FYTTD1: variants seen among roughly 807,000 people sequenced by gnomAD.
FYTTD1 encodes the protein UAP56-interacting factor.
A neutral mutation model predicts 40.9 loss-of-function variants in FYTTD1; 22 were observed. The ratio of observed to expected loss-of-function variants is 0.54; its 90% confidence interval spans 0.38 to 0.77. The LOEUF is 0.77. FYTTD1 is among the 30% of genes least tolerant of loss of function. The pLI is 0.00. For synonymous variants in FYTTD1, 140 were observed against 137.9 expected, an observed-to-expected ratio of 1.01 and a Z score of -0.10; for missense variants, 351 against 392.2, an observed-to-expected ratio of 0.90 and a Z score of 0.89.
rs935233702 is a variant in FYTTD1, at chr3:197,785,855, G to T, written c.*3946G>T. 6.6e-6 allele frequency: 1 copy of T among 151,032 alleles called. No individual in the cohort carries two copies. Among genetic ancestry groups the T allele is most frequent in the Non-Finnish European group, 1.5e-5 (1 of 67,830 alleles). The allele number at this position is 151,032 out of a possible 1,614,324, so 9.4% of individuals were successfully genotyped here. On this transcript the variant is annotated 3_prime_UTR_variant, in exon 9 of 9. Transcript: ENST00000241502. ...GAATTATTATTATTATTATTATTTTGCCACTGTGAAAAAGCAGTTAAGCAT... is the reference window on the plus strand; with the variant it reads ...GAATTATTATTATTATTATTATTTTTCCACTGTGAAAAAGCAGTTAAGCAT...
chr3:197,758,356 G>A (rs1202898921), intron 2 of FYTTD1, among the ~76,000 whole-genome samples: 4 of 152,126 alleles, frequency 2.6e-5, no homozygotes, highest in Non-Finnish European at 5.9e-5. Context: ...ATATATTTCA[G>A]TGTTAAATAC....
intron 1 of FYTTD1, among the ~76,000 whole-genome samples, chr3:197,752,946 G>A (rs950406918): frequency 1.4e-4 from 22 of 152,052 alleles, no homozygotes; most frequent in African/African-American, 5.3e-4. Flanking sequence ...TAGGTTTTCT[G>A]TTTTCTTTTT....
At chr3:197,754,106 C>T (rs1729146036) in intron 1 of FYTTD1, among the ~76,000 whole-genome samples, 1 of 151,988 alleles carries the variant, frequency 6.6e-6, no homozygotes, top group Non-Finnish European at 1.5e-5. Context: ...TTTTAATGCT[C>T]CCCAGACAAA....
intron 2 of FYTTD1, chr3:197,763,458 A>G (rs1262866826): frequency 4.9e-6 from 2 of 409,268 alleles, no homozygotes; most frequent in Non-Finnish European, 9.4e-6. Context: ...AGTAAATATA[A>G]CCCACAGACA....
At chr3:197,762,894 C>G (rs1450485477) in intron 2 of FYTTD1, among the ~76,000 whole-genome samples, 1 of 150,296 alleles carries the variant, frequency 6.7e-6, no homozygotes, top group South Asian at 2.1e-4. Flanking sequence ...AAAAAAAAAA[C>G]TAGTGGATAC....
At chr3:197,763,075 T>G (rs1238476054) in intron 2 of FYTTD1, among the ~76,000 whole-genome samples, 1 of 152,208 alleles carries the variant, frequency 6.6e-6, no homozygotes, top group Non-Finnish European at 1.5e-5. Context: ...GTAATGAGTT[T>G]ATTATTATTT....
In FYTTD1 at chr3:197,754,667, C is replaced by CTT. The variant is rs545875999; in HGVS notation, c.104-1745_104-1744dup. Among the ~76,000 whole-genome samples, 13 of 124,346 alleles carry CTT rather than the reference C, an allele frequency of 1.0e-4. 1 individual carries two copies. Among genetic ancestry groups the CTT allele is most frequent in the Middle Eastern group, 4.3e-3 (1 of 234 alleles). 81.6% of individuals were successfully genotyped at this position (124,346 alleles called of 152,430 possible). A position where few individuals can be genotyped will look rare whatever the true frequency, so the allele number is the denominator to read the frequency against. ...TGTTTGTGGGTTTTTTTTTTTCTTT[C>CTT]TTTTTTTTTTTTTTTGAAAGACAGT... On this transcript the variant is annotated intron_variant, in intron 1 of 8. Transcript: ENST00000241502.
Position 197,782,549 on chromosome 3 carries a change from G to A in FYTTD1, c.*640G>A, listed in dbSNP as rs1730055663. ...GTATTAGTCTTAGTTTAAAATGTTG[G>A]TGTTTAGAGACTGTAAATGCATATT... On this transcript the variant is annotated 3_prime_UTR_variant, in exon 9 of 9. Coordinates refer to ENST00000241502, the MANE Select transcript of FYTTD1 (RefSeq NM_032288.7). 6.6e-6 allele frequency: 1 copy of A among 152,174 alleles called. No homozygotes were observed. The highest frequency in any genetic ancestry group is 1.5e-5 in the Non-Finnish European group (1 of 68,040). 9.4% of individuals were successfully genotyped at this position (152,174 alleles called of 1,614,324 possible). A position where few individuals can be genotyped will look rare whatever the true frequency, so the allele number is the denominator to read the frequency against.
Position 197,785,478 on chromosome 3 carries a change from T to C in FYTTD1, c.*3569T>C, listed in dbSNP as rs1432890819. The C allele has an allele frequency of 6.6e-6, 1 of 152,236 alleles. No individual in the cohort carries two copies. Among genetic ancestry groups the C allele is most frequent in the Non-Finnish European group, 1.5e-5 (1 of 68,046 alleles). The allele number at this position is 152,236 out of a possible 1,614,324, so 9.4% of individuals were successfully genotyped here. A position where few individuals can be genotyped will look rare whatever the true frequency, so the allele number is the denominator to read the frequency against. On this transcript the variant is annotated 3_prime_UTR_variant, in exon 9 of 9. Coordinates refer to ENST00000241502, the MANE Select transcript of FYTTD1 (RefSeq NM_032288.7). ...AATACTGTGTCTGAGGAAACAGGCC[T>C]CATTGCTCAGCAGTGAGTTTTTATT...
intron 1 of FYTTD1, among the ~76,000 whole-genome samples, 184 bp from the exon 2 acceptor site, chr3:197,756,241 CT>C (rs1348859963): frequency 6.6e-6 from 1 of 152,108 alleles, no homozygotes; most frequent in Admixed American, 6.6e-5. Context: ...CAATAGCACT[CT>C]TCATTAATTG....
Position 197,774,042 on chromosome 3 carries a change from C to T in FYTTD1, c.595-107C>T, listed in dbSNP as rs1490007471. 33 of 886,356 alleles carry T rather than the reference C, an allele frequency of 3.7e-5. No individual in the cohort carries two copies. In the Admixed American group the frequency reaches 6.2e-4, roughly 17 times the overall value. 54.9% of individuals were successfully genotyped at this position (886,356 alleles called of 1,614,324 possible). On this transcript the variant is annotated intron_variant, in intron 5 of 8. Coordinates refer to ENST00000241502, the MANE Select transcript of FYTTD1 (RefSeq NM_032288.7). ...TAGAATAGCGCAGGCACCTCCGCTG[C>T]ACTCATGTACACGCACCACTGGGTT...
At chr3:197,765,774 A>T (rs1163532000) in intron 2 of FYTTD1, among the ~76,000 whole-genome samples, 1 of 152,046 alleles carries the variant, frequency 6.6e-6, no homozygotes, top group Non-Finnish European at 1.5e-5. Context: ...AGGCGGGCGG[A>T]TCACAAGGTC....
intron 1 of FYTTD1, 50 bp from the exon 2 acceptor site, chr3:197,756,376 G>A: frequency 2.2e-6 from 3 of 1,395,044 alleles, no homozygotes; most frequent in Non-Finnish European, 3.0e-6. Context: ...ACGAAACTGA[G>A]TAATTGAGTT....
At chr3:197,756,630 C>T in intron 2 of FYTTD1, 73 bp downstream of exon 2, 1 of 1,328,858 alleles carries the variant, frequency 7.5e-7, no homozygotes, top group Non-Finnish European at 1.1e-6. Flanking sequence ...TTAGCATATG[C>T]TTAACGTGGA....
intron 4 of FYTTD1, among the ~76,000 whole-genome samples, chr3:197,770,807 C>G (rs1169131609): frequency 2.0e-5 from 3 of 152,166 alleles, no homozygotes; most frequent in African/African-American, 7.2e-5. Context: ...CCTCAGCCTC[C>G]TAAAGTGCTG....
chr3:197,750,130 G>C, intron 1 of FYTTD1, 56 bp downstream of exon 1: 1 of 1,361,688 alleles, frequency 7.3e-7, no homozygotes, highest in Non-Finnish European at 1.0e-6. Context: ...GGTGGAAGCC[G>C]GCGGCGCGGT....
chr3:197,754,805 C>T lies in FYTTD1; in HGVS notation c.104-1621C>T, dbSNP rs186313169. ...TCAGCCTCCTGGGTAGCTGGGACCA[C>T]GGGCACGCACCACCATGCCTGGCTA... On this transcript the variant is annotated intron_variant, in intron 1 of 8. Coordinates refer to ENST00000241502, the MANE Select transcript of FYTTD1 (RefSeq NM_032288.7). Among the ~76,000 whole-genome samples the T allele has an allele frequency of 2.4e-3, 368 of 151,964 alleles. 2 individuals are homozygous for T. Among genetic ancestry groups the T allele is most frequent in the African/African-American group, 8.1e-3 (335 of 41,440 alleles).
chr3:197,757,696 G>T (rs1250905104), intron 2 of FYTTD1, among the ~76,000 whole-genome samples: 1 of 152,186 alleles, frequency 6.6e-6, no homozygotes. Flanking sequence ...GATGGCTTGA[G>T]CCTGGGAGAT....
In FYTTD1 at chr3:197,766,589, C is replaced by T. The variant is rs143931586; in HGVS notation, c.236-1850C>T. Among the ~76,000 whole-genome samples, 494 of 151,886 alleles carry T rather than the reference C, an allele frequency of 3.3e-3. 2 individuals are homozygous for T. The highest frequency in any genetic ancestry group is 0.01 in the African/African-American group (425 of 41,404). On this transcript the variant is annotated intron_variant, in intron 2 of 8. Coordinates refer to ENST00000241502, the MANE Select transcript of FYTTD1 (RefSeq NM_032288.7). ...TCCCTATTATCTGGGACTACAGGTA[C>T]GCGCCACTGCACCTGGCTAATTTTT... is the stretch of plus-strand genomic sequence containing the variant.
Sources: gnomAD v4.1 joint callset for allele counts (sites outside exome capture counted in the v4.1 genomes callset) on GRCh38, gnomAD v4.1.1 for gene constraint, MANE v1.5 for transcripts, NCBI Gene and HGNC (gene_info 2026-07-23, HGNC 2026-07-21) for gene names.